The following DKK2 variants were observed in gnomAD, a reference collection of about 807,000 sequenced individuals.
DKK2 encodes the protein dickkopf Wnt signaling pathway inhibitor 2, also known as dickkopf-related protein 2.
In DKK2, 11 loss-of-function variants were observed where a neutral mutation model predicts 28.1. The observed-to-expected ratio is 0.39, with a 90% CI of 0.25 to 0.65. DKK2 has a LOEUF of 0.65. Ranked by LOEUF, DKK2 falls within the 30% of genes least tolerant of loss-of-function variation. The probability of loss-of-function intolerance (pLI) is 0.47; values close to 1 mark genes in which losing one functional copy is unlikely to be tolerated. For synonymous variants in DKK2, 135 were observed against 126.5 expected (o/e 1.07, Z -0.45); for missense variants, 326 against 335.5 (o/e 0.97, Z 0.22).
At chr4:106,932,515 T>C (rs908269449) in intron 1 of DKK2, among the ~76,000 whole-genome samples, 4 of 152,166 alleles carry the variant, frequency 2.6e-5, no homozygotes, top group African/African-American at 4.8e-5. Flanking sequence ...GCTAAACTTT[T>C]CCATATGGTC....
intron 1 of DKK2, among the ~76,000 whole-genome samples, chr4:106,996,281 C>A (rs1723271728): frequency 6.6e-6 from 1 of 152,126 alleles, no homozygotes; most frequent in Non-Finnish European, 1.5e-5. Context: ...AAGAAAGACA[C>A]AGAATATGCA....
At chr4:106,971,945 T>G (rs535462065) in intron 1 of DKK2, among the ~76,000 whole-genome samples, 11 of 152,154 alleles carry the variant, frequency 7.2e-5, no homozygotes, top group African/African-American at 2.6e-4. Context: ...CTCCTGAAAA[T>G]AATCCAGATG....
At chr4:107,033,566 A>G (rs1185031523) in intron 1 of DKK2, among the ~76,000 whole-genome samples, 1 of 152,224 alleles carries the variant, frequency 6.6e-6, no homozygotes, top group African/African-American at 2.4e-5. Flanking sequence ...ACAGAGGAAC[A>G]TCAGGTATGT....
chr4:106,944,360 C>T (rs1043581055), intron 1 of DKK2, among the ~76,000 whole-genome samples: 1 of 152,096 alleles, frequency 6.6e-6, no homozygotes, highest in African/African-American at 2.4e-5. Context: ...ATCAGAAAGG[C>T]AGACAATGCT....
intron 1 of DKK2, among the ~76,000 whole-genome samples, chr4:107,001,965 C>T (rs1723366265): frequency 6.6e-6 from 1 of 152,138 alleles, no homozygotes; most frequent in South Asian, 2.1e-4. Flanking sequence ...AGACCTCAAC[C>T]CAGATAGACC....
chr4:106,961,132 G>A (rs1722678927), intron 1 of DKK2, among the ~76,000 whole-genome samples: 1 of 152,042 alleles, frequency 6.6e-6, no homozygotes, highest in Admixed American at 6.6e-5. Flanking sequence ...TTTGATAAAA[G>A]AGAATGCTTA....
intron 1 of DKK2, among the ~76,000 whole-genome samples, chr4:106,963,351 T>TAAAA (rs34068030): frequency 1.4e-5 from 2 of 138,074 alleles, no homozygotes; most frequent in African/African-American, 5.4e-5. Context: ...AGACTCTGTC[T>TAAAA]AAAAAAAAAA....
chr4:106,932,875 T>A (rs1724523339), intron 1 of DKK2, among the ~76,000 whole-genome samples: 1 of 152,174 alleles, frequency 6.6e-6, no homozygotes, highest in Non-Finnish European at 1.5e-5. Flanking sequence ...AGTAACATGG[T>A]AGGGCAAAAT....
chr4:106,938,213 G>A (rs1724630475), intron 1 of DKK2, among the ~76,000 whole-genome samples: 1 of 149,790 alleles, frequency 6.7e-6, no homozygotes, highest in Non-Finnish European at 1.5e-5. Context: ...AAAATTGATA[G>A]ACCGCTAGCA....
chr4:106,955,276 T>C (rs199530720), intron 1 of DKK2, among the ~76,000 whole-genome samples: 9,346 of 152,238 alleles, frequency 0.061, 311 homozygotes, highest in Non-Finnish European at 0.074. Context: ...GCCTCTCTCT[T>C]CTTATCCATA....
chr4:106,966,782 C>A (rs1722786780), intron 1 of DKK2, among the ~76,000 whole-genome samples: 1 of 152,158 alleles, frequency 6.6e-6, no homozygotes. Flanking sequence ...TGCAGGGAAA[C>A]TCCCATATTT....
At chr4:106,931,034 A>C (rs1365305457) in intron 1 of DKK2, among the ~76,000 whole-genome samples, 1 of 152,178 alleles carries the variant, frequency 6.6e-6, no homozygotes, top group African/African-American at 2.4e-5. Flanking sequence ...TCAAAATCAA[A>C]CACTAAAATG....
At chr4:106,966,541 CAAAT>C (rs2110352520) in intron 1 of DKK2, among the ~76,000 whole-genome samples, 1 of 152,244 alleles carries the variant, frequency 6.6e-6, no homozygotes, top group South Asian at 2.1e-4. Flanking sequence ...TCATTGCTCA[CAAAT>C]AGTCATATTT....
At chr4:106,931,409 GT>G (rs1297538666) in intron 1 of DKK2, among the ~76,000 whole-genome samples, 1 of 151,824 alleles carries the variant, frequency 6.6e-6, no homozygotes, top group East Asian at 1.9e-4. Context: ...TGTATTGTCT[GT>G]TACCCCCAAA....
At chr4:106,980,948 A>G (rs897309113) in intron 1 of DKK2, among the ~76,000 whole-genome samples, 2 of 152,210 alleles carry the variant, frequency 1.3e-5, no homozygotes, top group African/African-American at 4.8e-5. Context: ...CCTTACAACA[A>G]CAATATGAAA....
intron 1 of DKK2, among the ~76,000 whole-genome samples, chr4:107,018,897 A>C (rs1449763627): frequency 6.6e-6 from 1 of 152,106 alleles, no homozygotes; most frequent in Non-Finnish European, 1.5e-5. Context: ...CCTGCCAACT[A>C]TCTTTAAGTC....
At chr4:107,014,574 A>G (rs990773033) in intron 1 of DKK2, among the ~76,000 whole-genome samples, 2 of 151,434 alleles carry the variant, frequency 1.3e-5, no homozygotes, top group African/African-American at 4.8e-5. Context: ...ATGGTGTTCT[A>G]TTACATAGAA....
At chr4:107,022,001 A>T (rs1723699868) in intron 1 of DKK2, among the ~76,000 whole-genome samples, 1 of 152,210 alleles carries the variant, frequency 6.6e-6, no homozygotes, top group African/African-American at 2.4e-5. Flanking sequence ...ATTGATATCC[A>T]GTTTATTTTA....
intron 1 of DKK2, among the ~76,000 whole-genome samples, chr4:106,939,643 A>T (rs1398165999): frequency 6.6e-6 from 1 of 152,206 alleles, no homozygotes; most frequent in African/African-American, 2.4e-5. Flanking sequence ...AAGAGCCCGC[A>T]TCGCCAAGTC....
Sources: gnomAD v4.1 joint callset for allele counts (sites outside exome capture counted in the v4.1 genomes callset) on GRCh38, gnomAD v4.1.1 for gene constraint, MANE v1.5 for transcripts, NCBI Gene and HGNC (gene_info 2026-07-23, HGNC 2026-07-21) for gene names.